The following PCDHGA9 variants were observed in gnomAD, a reference collection of about 807,000 sequenced individuals.
The protein encoded by PCDHGA9 is protocadherin gamma subfamily A, 9.
In PCDHGA9, 37 loss-of-function variants were observed where a neutral mutation model predicts 62.5. The ratio of observed to expected loss-of-function variants is 0.59; its 90% CI spans 0.46 to 0.78. The LOEUF (loss-of-function observed/expected upper bound fraction) is 0.78, where lower values mean the gene tolerates loss of function less well. PCDHGA9 is among the 30% of genes least tolerant of loss of function. The pLI is 0.00. For synonymous variants in PCDHGA9, 459 were observed against 484.6 expected (o/e 0.95, Z 0.69); for missense variants, 1,138 against 1,166.2 (o/e 0.98, Z 0.35).
At chr5:141,480,703 C>T (rs577131684) in intron 1 of PCDHGA9, among the ~76,000 whole-genome samples, 10 of 152,252 alleles carry the variant, frequency 6.6e-5, no homozygotes, top group Admixed American at 1.3e-4. Flanking sequence ...GGCCACACCC[C>T]GACAAATGAA....
At chr5:141,488,359 T>A (rs1262194591) in intron 1 of PCDHGA9, among the ~76,000 whole-genome samples, 1 of 152,198 alleles carries the variant, frequency 6.6e-6, no homozygotes, top group Non-Finnish European at 1.5e-5. Context: ...ACCCTGTGCA[T>A]CTTTAAGTTG....
chr5:141,443,618 G>A (rs901899343), intron 1 of PCDHGA9, among the ~76,000 whole-genome samples: 2 of 152,178 alleles, frequency 1.3e-5, no homozygotes, highest in Non-Finnish European at 2.9e-5. Context: ...TTATAATCAG[G>A]TGATTGTAAA....
At chr5:141,405,931 C>CT (rs1439525242) in intron 1 of PCDHGA9, among the ~76,000 whole-genome samples, 2 of 152,062 alleles carry the variant, frequency 1.3e-5, no homozygotes, top group Non-Finnish European at 2.9e-5. Context: ...GCTGATATAA[C>CT]TTTCATGTTC....
chr5:141,410,843 C>CTTTTTAT, intron 1 of PCDHGA9: 1 of 216,280 alleles, frequency 4.6e-6, no homozygotes. Context: ...GATATTTTGT[C>CTTTTTAT]TTTGTCTTTT....
chr5:141,432,413 G>T lies in PCDHGA9; in HGVS notation c.2424+27037G>T, dbSNP rs369816901. On this transcript the variant is annotated intron_variant, in intron 1 of 3. Transcript: ENST00000573521. This position sits in a 1 kb window ranked among gnomAD's most constrained non-coding sequence, Gnocchi z 6.0. ...CAGCAACGTGTCGTTGAGCCTGTTCGTGCTGGACCAGAACGACAATGCGCC... is the reference window on the plus strand; with the variant it reads ...CAGCAACGTGTCGTTGAGCCTGTTCTTGCTGGACCAGAACGACAATGCGCC... The T allele has an allele frequency of 6.2e-7, 1 of 1,614,232 alleles. No homozygotes were observed.
intron 1 of PCDHGA9, among the ~76,000 whole-genome samples, chr5:141,458,101 G>C (rs530847477): frequency 3.3e-5 from 5 of 152,200 alleles, no homozygotes; most frequent in Non-Finnish European, 7.4e-5. Flanking sequence ...AGTACTTACA[G>C]ATAGTCTCCA....
At chr5:141,455,634 G>C (rs1429708887) in intron 1 of PCDHGA9, among the ~76,000 whole-genome samples, 1 of 152,110 alleles carries the variant, frequency 6.6e-6, no homozygotes. Context: ...GAGATATGTG[G>C]GGGGCAGCCA....
chr5:141,462,959 G>A lies in PCDHGA9; in HGVS notation c.2425-31848G>A, dbSNP rs188938907. 5.1e-3 allele frequency among the ~76,000 whole-genome samples: 776 copies of A among 152,188 alleles called. 5 individuals are homozygous for A. Among genetic ancestry groups the A allele is most frequent in the Non-Finnish European group, 8.2e-3 (557 of 67,994 alleles). On this transcript the variant is annotated intron_variant, in intron 1 of 3. Transcript: ENST00000573521. ...AAGGCTTGTTTTTAAGCTTTGTTAGGACAGGTCTGTAGTAACTTTTGCCTT... is the reference window on the plus strand; with the variant it reads ...AAGGCTTGTTTTTAAGCTTTGTTAGAACAGGTCTGTAGTAACTTTTGCCTT...
chr5:141,439,632 T>C (rs1335553818), intron 1 of PCDHGA9, among the ~76,000 whole-genome samples: 1 of 152,182 alleles, frequency 6.6e-6, no homozygotes, highest in Non-Finnish European at 1.5e-5. Context: ...TCCCCAGACA[T>C]TCCGGCTTGG....
At chr5:141,420,457 T>A in intron 1 of PCDHGA9, 1 of 927,890 alleles carries the variant, frequency 1.1e-6, no homozygotes. Flanking sequence ...TTCCTACTAT[T>A]CAAAGACATT....
chr5:141,417,940 C>A, intron 1 of PCDHGA9: 2 of 1,613,054 alleles, frequency 1.2e-6, no homozygotes, highest in Non-Finnish European at 1.7e-6. Flanking sequence ...TGTTCTACCC[C>A]ACGCTGTGTG....
intron 1 of PCDHGA9, chr5:141,413,563 A>G: frequency 6.2e-7 from 1 of 1,613,918 alleles, no homozygotes; most frequent in Non-Finnish European, 8.5e-7. Context: ...AGTAACTGAT[A>G]TCAATGACAA....
At chr5:141,427,683 G>A (rs761750638) in intron 1 of PCDHGA9, 3 of 836,052 alleles carry the variant, frequency 3.6e-6, no homozygotes, top group South Asian at 2.8e-5. Flanking sequence ...CCTTCCCGGA[G>A]CCTCCATCCC....
intron 1 of PCDHGA9, chr5:141,415,791 CCTAGTCTCAA>C: frequency 2.2e-6 from 3 of 1,341,938 alleles, no homozygotes; most frequent in Non-Finnish European, 1.9e-6. Flanking sequence ...GTAAAATTCA[CCTAGTCTCAA>C]TCAAGGCCTA....
chr5:141,422,243 T>C, intron 1 of PCDHGA9: 12 of 1,566,082 alleles, frequency 7.7e-6, no homozygotes, highest in Non-Finnish European at 1.0e-5. Flanking sequence ...ATCACTGTTG[T>C]GGATGTGAAT....
chr5:141,419,032 A>G (rs1421513275), intron 1 of PCDHGA9: 2 of 1,614,004 alleles, frequency 1.2e-6, no homozygotes, highest in Non-Finnish European at 1.7e-6. Flanking sequence ...GAGGTGTTCC[A>G]TTTAAGATTC....
intron 1 of PCDHGA9, among the ~76,000 whole-genome samples, chr5:141,406,034 A>T (rs1438349168): frequency 6.7e-6 from 1 of 149,160 alleles, no homozygotes; most frequent in Non-Finnish European, 1.5e-5. Flanking sequence ...GGGTTGCTTC[A>T]TTGGTTGCAG....
chr5:141,441,623 C>T (rs530409184), intron 1 of PCDHGA9: 2 of 224,422 alleles, frequency 8.9e-6, no homozygotes, highest in Non-Finnish European at 1.8e-5. Flanking sequence ...TGGCCAGTGA[C>T]CTGGAGCCAC....
chr5:141,430,155 A>G (rs1440666899), intron 1 of PCDHGA9, among the ~76,000 whole-genome samples: 7 of 152,184 alleles, frequency 4.6e-5, no homozygotes, highest in Admixed American at 1.3e-4. Flanking sequence ...CATTCAAGGA[A>G]TCTATTTAAA....
Sources: gnomAD v4.1 joint callset for allele counts (sites outside exome capture counted in the v4.1 genomes callset) on GRCh38, gnomAD v4.1.1 for gene constraint, Gnocchi (gnomAD v3.1) non-coding constraint, MANE v1.5 for transcripts, NCBI Gene and HGNC (gene_info 2026-07-23, HGNC 2026-07-21) for gene names.